Variants in WDR43 observed in about 807,000 individuals in gnomAD.
WDR43 encodes the protein WD repeat-containing protein 43.
WDR43 carries 13 observed loss-of-function variants against 91.4 expected under a neutral mutation model. The observed-to-expected ratio is 0.14, with a 90% CI of 0.09 to 0.23. The LOEUF (loss-of-function observed/expected upper bound fraction) is 0.23, where lower values mean the gene tolerates loss of function less well. WDR43 is among the 10% of genes least tolerant of loss of function. The pLI, the probability that WDR43 is intolerant of heterozygous loss-of-function variation, is 1.00. For missense variants in WDR43, 780 were observed against 809.4 expected, an observed-to-expected ratio of 0.96 and a Z score of 0.44; for synonymous variants, 331 against 287.9, an observed-to-expected ratio of 1.15 and a Z score of -1.51.
At position 28,942,292 on chromosome 2, in the gene WDR43, A is replaced by G. The variant is rs776453549; in HGVS notation, c.1735-20A>G. 3 of 1,609,524 alleles carry G rather than the reference A, an allele frequency of 1.9e-6. No individual in the cohort carries two copies. The highest frequency in any genetic ancestry group is 2.5e-6 in the Non-Finnish European group (3 of 1,177,022). ...ATATGTTTACACTCTACTTCAGAAC[A>G]GTACTTTATCTTCTTCCAGGTAACA... is the stretch of plus-strand genomic sequence containing the variant. On this transcript the variant is annotated intron_variant, in intron 15 of 17. Coordinates refer to ENST00000407426, the MANE Select transcript of WDR43 (RefSeq NM_015131.3).
intron 11 of WDR43, among the ~76,000 whole-genome samples, chr2:28,934,421 G>C (rs532553565): frequency 1.3e-5 from 2 of 152,168 alleles, no homozygotes; most frequent in Admixed American, 6.5e-5. Context: ...TGTTTATTAC[G>C]CTTCATTTGT....
At position 28,927,669 on chromosome 2, in the gene WDR43, T is replaced by G; in HGVS notation, c.1274T>G (p.Val425Gly). Reference protein sequence around the residue: ...IKPAPPQTEQVESKRKSGGNE... With the variant: ...IKPAPPQTEQGESKRKSGGNE... ...CCCGCTCCTCCACAAACCGAGCAAG[T>G]AGAGAGCAAGAGGAAGTCAGGGGGA... The change falls in exon 10 of 18, where the codon GTA becomes GGA. Residue 425 changes from valine (V) to glycine (G), a missense_variant. Coordinates refer to ENST00000407426, the MANE Select transcript of WDR43 (RefSeq NM_015131.3). 6.2e-7 allele frequency: 1 copy of G among 1,613,910 alleles called. No individual in the cohort carries two copies. The highest frequency in any genetic ancestry group is 8.5e-7 in the Non-Finnish European group (1 of 1,179,850).
intron 4 of WDR43, among the ~76,000 whole-genome samples, chr2:28,912,947 AT>A (rs35646381): frequency 2.4e-3 from 244 of 100,946 alleles, no homozygotes; most frequent in East Asian, 0.021. Flanking sequence ...AAGAAACAAG[AT>A]TTTTTTTTTT....
At chr2:28,935,747 CAAAAAA>C (rs58846266) in intron 12 of WDR43, 140 bp downstream of exon 12, 16,244 of 241,916 alleles carry the variant, frequency 0.067, 8 homozygotes, top group Middle Eastern at 0.11. Context: ...GTACTTTAGA[CAAAAAA>C]AAAAAAAAAA....
At chr2:28,896,596 G>A (rs6721078) in intron 1 of WDR43, among the ~76,000 whole-genome samples, 137,891 of 152,212 alleles carry the variant, frequency 0.91, 62,560 homozygotes, top group Non-Finnish European at 0.93. Flanking sequence ...TTAAGAGCTC[G>A]GTTCTTGGTT....
intron 8 of WDR43, among the ~76,000 whole-genome samples, chr2:28,925,841 T>G (rs1392343077): frequency 6.6e-6 from 1 of 152,220 alleles, no homozygotes; most frequent in African/African-American, 2.4e-5. Context: ...TAAACATGGC[T>G]CCTTGCCATA....
intron 16 of WDR43, among the ~76,000 whole-genome samples, chr2:28,943,984 G>A (rs1381895646): frequency 6.6e-6 from 1 of 152,188 alleles, no homozygotes; most frequent in Non-Finnish European, 1.5e-5. Context: ...ATCCCAAAGT[G>A]CTTGTGTGTA....
chr2:28,894,668 A>C lies in WDR43; in HGVS notation c.-31A>C, dbSNP rs991317684. The C allele has an allele frequency of 1.3e-6, 2 of 1,524,374 alleles. No individual in the cohort carries two copies. The highest frequency in any genetic ancestry group is 1.4e-5 in the African/African-American group (1 of 72,292). The allele number at this position is 1,524,374 out of a possible 1,614,324, so 94.4% of individuals were successfully genotyped here. A position where few individuals can be genotyped will look rare whatever the true frequency, so the allele number is the denominator to read the frequency against. Reference sequence around the variant, plus strand: ...GCGCCGGTGCGCCTGCGCACGGACGAACACGTGGCTGCAGCGGGGCCAGAG... The same window carrying C: ...GCGCCGGTGCGCCTGCGCACGGACGCACACGTGGCTGCAGCGGGGCCAGAG... On this transcript the variant is annotated 5_prime_UTR_variant, in exon 1 of 18. Transcript: ENST00000407426.
intron 12 of WDR43, 108 bp downstream of exon 12, chr2:28,935,715 A>T: frequency 2.2e-6 from 1 of 462,938 alleles, no homozygotes; most frequent in Non-Finnish European, 3.6e-6. Flanking sequence ...TGGCATTTAG[A>T]GTGAGTAATG....
At chr2:28,926,254 C>T (rs1385982423) in intron 8 of WDR43, among the ~76,000 whole-genome samples, 1 of 152,172 alleles carries the variant, frequency 6.6e-6, no homozygotes, top group East Asian at 1.9e-4. Context: ...TACCCAATGT[C>T]TTCAGAATTA....
At chr2:28,900,811 C>G (rs1322403598) in intron 1 of WDR43, among the ~76,000 whole-genome samples, 1 of 136,298 alleles carries the variant, frequency 7.3e-6, no homozygotes, top group Non-Finnish European at 1.7e-5. Flanking sequence ...TAAGGACTTG[C>G]AAGATGTGTA....
chr2:28,935,442 T>C, intron 11 of WDR43, 79 bp from the exon 12 acceptor site: 1 of 1,044,188 alleles, frequency 9.6e-7, no homozygotes, highest in South Asian at 1.5e-5. Flanking sequence ...AAGGATTCAT[T>C]TTTACAGACT....
At chr2:28,937,118 A>G (rs1341933355) in intron 13 of WDR43, among the ~76,000 whole-genome samples, 165 bp downstream of exon 13, 1 of 152,204 alleles carries the variant, frequency 6.6e-6, no homozygotes, top group Non-Finnish European at 1.5e-5. Context: ...GCGTTTTATT[A>G]TAGTTTTCTT....
intron 12 of WDR43, among the ~76,000 whole-genome samples, chr2:28,936,262 T>C (rs1049955495): frequency 3.3e-5 from 5 of 152,186 alleles, no homozygotes; most frequent in African/African-American, 1.2e-4. Flanking sequence ...TTTTAAAAAT[T>C]AGGCCTAAAA....
At chr2:28,908,895 A>G (rs1221920221) in intron 3 of WDR43, among the ~76,000 whole-genome samples, 1 of 152,090 alleles carries the variant, frequency 6.6e-6, no homozygotes, top group Admixed American at 6.6e-5. Flanking sequence ...CTAGTTAATT[A>G]TTGTTACAGC....
intron 1 of WDR43, chr2:28,895,975 A>G (rs1346041123): frequency 6.6e-6 from 1 of 152,178 alleles, no homozygotes; most frequent in African/African-American, 2.4e-5. Context: ...AGGGATACAT[A>G]TAAGTTGCTA....
At chr2:28,942,199 G>C in intron 15 of WDR43, 113 bp from the exon 16 acceptor site, 1 of 931,234 alleles carries the variant, frequency 1.1e-6, no homozygotes, top group Non-Finnish European at 1.7e-6. Context: ...CTCCATTATG[G>C]TGGTGGAGGG....
At chr2:28,921,590 T>C (rs12611829) in intron 6 of WDR43, among the ~76,000 whole-genome samples, 40,471 of 152,156 alleles carry the variant, frequency 0.27, 6,559 homozygotes, top group East Asian at 0.77. Context: ...CTTATTTTAT[T>C]CTCAAAAGTT....
intron 11 of WDR43, chr2:28,930,189 A>G: frequency 2.2e-6 from 1 of 448,796 alleles, no homozygotes; most frequent in Non-Finnish European, 4.6e-6. Context: ...GTTGGGGGTT[A>G]TGTTGTAAAA....
Sources: allele counts gnomAD v4.1 joint callset (sites outside exome capture counted in the v4.1 genomes callset), GRCh38; gene constraint gnomAD v4.1.1; transcripts MANE v1.5; gene names NCBI Gene and HGNC (gene_info 2026-07-23, HGNC 2026-07-21).